ERBB4: variants seen among roughly 807,000 people sequenced by gnomAD.
ERBB4 encodes the protein receptor tyrosine-protein kinase erbB-4.
A neutral mutation model predicts 158.0 loss-of-function variants in ERBB4; 42 were observed. The ratio of observed to expected loss-of-function variants is 0.27; its 90% CI spans 0.21 to 0.34. The LOEUF (loss-of-function observed/expected upper bound fraction) is 0.34. Ranked by LOEUF, ERBB4 falls within the 10% of genes least tolerant of loss-of-function variation. The probability of loss-of-function intolerance (pLI) is 1.00; values close to 1 mark genes in which losing one functional copy is unlikely to be tolerated. For synonymous variants in ERBB4, 583 were observed against 558.7 expected, an observed-to-expected ratio of 1.04 and a Z score of -0.61; for missense variants, 1,333 against 1,624.1, an observed-to-expected ratio of 0.82 and a Z score of 3.08.
At chr2:212,098,121 G>A (rs1426778701) in intron 2 of ERBB4, among the ~76,000 whole-genome samples, 2 of 152,134 alleles carry the variant, frequency 1.3e-5, no homozygotes, top group East Asian at 3.9e-4. Context: ...CTGATACCAT[G>A]AGGTTTTCAC....
intron 19 of ERBB4, among the ~76,000 whole-genome samples, chr2:211,598,558 G>A (rs527852091): frequency 6.6e-6 from 1 of 152,298 alleles, no homozygotes; most frequent in African/African-American, 2.4e-5. Context: ...TTAGTAAACA[G>A]TTGAATATTC....
intron 4 of ERBB4, among the ~76,000 whole-genome samples, chr2:211,761,211 A>G (rs2075404021): frequency 1.3e-5 from 2 of 149,738 alleles, no homozygotes; most frequent in Admixed American, 6.6e-5. Flanking sequence ...AAAAAAAAAA[A>G]GGAAAAAAGA....
intron 2 of ERBB4, among the ~76,000 whole-genome samples, chr2:212,111,748 A>T (rs2079415043): frequency 6.6e-6 from 1 of 151,900 alleles, no homozygotes; most frequent in South Asian, 2.1e-4. Context: ...ACCCTTTTTT[A>T]AAAAAATACC....
intron 3 of ERBB4, among the ~76,000 whole-genome samples, chr2:211,848,409 T>A (rs1306883661): frequency 2.0e-5 from 3 of 152,100 alleles, no homozygotes; most frequent in African/African-American, 7.2e-5. Context: ...TCATGGCCTG[T>A]CTTCTAGTCT....
At chr2:212,481,550 C>T (rs1231393089) in intron 1 of ERBB4, among the ~76,000 whole-genome samples, 1 of 152,122 alleles carries the variant, frequency 6.6e-6, no homozygotes, top group Non-Finnish European at 1.5e-5. Context: ...TCTCTAATAC[C>T]AAGTATGTGA....
At chr2:211,709,447 A>C (rs1314400469) in intron 9 of ERBB4, among the ~76,000 whole-genome samples, 1 of 151,880 alleles carries the variant, frequency 6.6e-6, no homozygotes, top group Non-Finnish European at 1.5e-5. Flanking sequence ...CCCATGTTTT[A>C]TCTGTAAGAA....
intron 20 of ERBB4, among the ~76,000 whole-genome samples, chr2:211,550,596 A>C (rs1035015822): frequency 8.0e-6 from 1 of 124,442 alleles, no homozygotes; most frequent in African/African-American, 3.5e-5. Context: ...TATATATATA[A>C]ATATATAGAT....
chr2:212,415,331 A>G (rs2091621483), intron 1 of ERBB4, among the ~76,000 whole-genome samples: 1 of 152,192 alleles, frequency 6.6e-6, no homozygotes, highest in African/African-American at 2.4e-5. Flanking sequence ...CCTTAAGAAA[A>G]GCAGATACTA....
chr2:211,703,515 C>T (rs986636206), intron 11 of ERBB4, among the ~76,000 whole-genome samples: 1 of 152,100 alleles, frequency 6.6e-6, no homozygotes, highest in Non-Finnish European at 1.5e-5. Flanking sequence ...TTTAATTGTT[C>T]ATAAATAAGA....
intron 3 of ERBB4, among the ~76,000 whole-genome samples, chr2:211,883,770 C>T (rs997359833): frequency 3.3e-5 from 5 of 151,900 alleles, no homozygotes; most frequent in South Asian, 4.2e-4. Flanking sequence ...CCAGCCTGGG[C>T]GATAGAGCAA....
chr2:212,124,980 C>T, intron 1 of ERBB4, 77 bp from the exon 2 acceptor site: 1 of 1,519,116 alleles, frequency 6.6e-7, no homozygotes, highest in Non-Finnish European at 9.1e-7. Context: ...TTTCTCAAAA[C>T]TCTCTATTCC....
intron 1 of ERBB4, among the ~76,000 whole-genome samples, chr2:212,352,548 T>C (rs1910864): frequency 0.65 from 98,976 of 151,926 alleles, 32,816 homozygotes; most frequent in East Asian, 0.8. Context: ...CAAATGTATA[T>C]GTGTAAAACC....
chr2:211,839,354 A>G (rs2077420156), intron 3 of ERBB4, among the ~76,000 whole-genome samples: 1 of 119,370 alleles, frequency 8.4e-6, no homozygotes, highest in South Asian at 3.2e-4. Context: ...GAATAGATAT[A>G]CAAGATATAA....
At chr2:211,772,430 C>A (rs1426643220) in intron 4 of ERBB4, among the ~76,000 whole-genome samples, 1 of 151,778 alleles carries the variant, frequency 6.6e-6, no homozygotes, top group African/African-American at 2.4e-5. Flanking sequence ...AAATCAGAAA[C>A]AGAAAATGAA....
At chr2:211,556,987 C>T (rs536843536) in intron 20 of ERBB4, among the ~76,000 whole-genome samples, 2 of 152,106 alleles carry the variant, frequency 1.3e-5, no homozygotes, top group South Asian at 4.2e-4. Flanking sequence ...CTTTGACAAA[C>T]CTGACAAAAA....
intron 2 of ERBB4, among the ~76,000 whole-genome samples, chr2:212,060,055 C>A (rs1374518200): frequency 1.3e-5 from 2 of 152,192 alleles, no homozygotes; most frequent in Admixed American, 6.5e-5. Context: ...TGACAAAGGG[C>A]TAATATCCAG....
At chr2:211,609,602 C>G (rs1265699323) in intron 19 of ERBB4, among the ~76,000 whole-genome samples, 3 of 152,112 alleles carry the variant, frequency 2.0e-5, no homozygotes, top group Non-Finnish European at 4.4e-5. Flanking sequence ...GAATGCTGCA[C>G]CAGGATCCTA....
chr2:211,695,396 CA>C (rs930695244), intron 12 of ERBB4, among the ~76,000 whole-genome samples: 2 of 151,790 alleles, frequency 1.3e-5, no homozygotes, highest in African/African-American at 4.8e-5. Context: ...TTCTTTGTGC[CA>C]AAAAAATATA....
chr2:212,390,458 G>T (rs2090822711), intron 1 of ERBB4, among the ~76,000 whole-genome samples: 1 of 151,348 alleles, frequency 6.6e-6, no homozygotes, highest in South Asian at 2.1e-4. Flanking sequence ...CATATATAAA[G>T]TCTTTCTCAG....
Sources: allele counts gnomAD v4.1 joint callset (sites outside exome capture counted in the v4.1 genomes callset), GRCh38; gene constraint gnomAD v4.1.1; transcripts MANE v1.5; gene names NCBI Gene and HGNC (gene_info 2026-07-23, HGNC 2026-07-21).